The following AGBL1 variants were observed in gnomAD, a reference collection of about 807,000 sequenced individuals.
The protein encoded by AGBL1 is cytosolic carboxypeptidase 4.
Under a neutral mutation model 118.9 loss-of-function variants are expected in AGBL1, and 130 were observed. The ratio of observed to expected loss-of-function variants is 1.09; its 90% confidence interval spans 0.95 to 1.26. The LOEUF (loss-of-function observed/expected upper bound fraction) is 1.26, where lower values mean the gene tolerates loss of function less well. Among genes scored for constraint, AGBL1 ranks in the 50% most tolerant of loss-of-function variants. AGBL1 has a pLI of 0.00. For synonymous variants in AGBL1, 555 were observed against 478.9 expected, an observed-to-expected ratio of 1.16 and a Z score of -2.08; for missense variants, 1,584 against 1,298.1, an observed-to-expected ratio of 1.22 and a Z score of -3.38.
chr15:86,247,399 A>T (rs954435737), intron 6 of AGBL1, among the ~76,000 whole-genome samples: 5 of 152,106 alleles, frequency 3.3e-5, no homozygotes, highest in Admixed American at 6.5e-5. Flanking sequence ...TCATGATCCA[A>T]CTTGGGTTAT....
chr15:86,549,428 G>A (rs2083633005), intron 20 of AGBL1, among the ~76,000 whole-genome samples: 1 of 152,076 alleles, frequency 6.6e-6, no homozygotes, highest in African/African-American at 2.4e-5. Context: ...AAATAAGAAT[G>A]TAGAAACTGT....
chr15:86,293,402 C>A (rs1296670392), intron 16 of AGBL1, among the ~76,000 whole-genome samples: 3 of 152,144 alleles, frequency 2.0e-5, no homozygotes, highest in Admixed American at 6.5e-5. Context: ...ACCTGCATTC[C>A]TTGGCTGGTG....
At chr15:86,685,529 C>T (rs1157902716) in intron 22 of AGBL1, among the ~76,000 whole-genome samples, 1 of 151,934 alleles carries the variant, frequency 6.6e-6, no homozygotes, top group Non-Finnish European at 1.5e-5. Context: ...CTGTGCTTTG[C>T]CAGTGAGTAA....
chr15:86,901,477 G>A (rs898299886), intron 22 of AGBL1, among the ~76,000 whole-genome samples: 2 of 151,922 alleles, frequency 1.3e-5, no homozygotes, highest in South Asian at 4.2e-4. Context: ...ATACATAATG[G>A]TGTCTTCATT....
chr15:86,379,067 C>G (rs1230208058), intron 17 of AGBL1, among the ~76,000 whole-genome samples: 1 of 152,044 alleles, frequency 6.6e-6, no homozygotes, highest in Non-Finnish European at 1.5e-5. Context: ...CACCCACAAC[C>G]ATGCACAGCT....
At chr15:86,893,299 A>G (rs2080076860) in intron 22 of AGBL1, among the ~76,000 whole-genome samples, 2 of 152,134 alleles carry the variant, frequency 1.3e-5, no homozygotes, top group South Asian at 4.1e-4. Context: ...TCTGGCATTC[A>G]CCCAAGTCTT....
At chr15:86,512,452 T>A (rs1596208173) in intron 18 of AGBL1, among the ~76,000 whole-genome samples, 2 of 134,680 alleles carry the variant, frequency 1.5e-5, no homozygotes, top group South Asian at 2.1e-4. Flanking sequence ...ACTTTGAATA[T>A]CCTTGTTCAA....
chr15:86,619,477 T>C (rs143175048), intron 21 of AGBL1, among the ~76,000 whole-genome samples: 6 of 152,356 alleles, frequency 3.9e-5, no homozygotes, highest in South Asian at 2.1e-4. Context: ...TCACTTTTCC[T>C]TGGGGAGAAA....
chr15:86,376,801 C>T (rs1229504364), intron 17 of AGBL1, among the ~76,000 whole-genome samples: 1 of 152,220 alleles, frequency 6.6e-6, no homozygotes, highest in Non-Finnish European at 1.5e-5. Context: ...AAATATACTC[C>T]AATCAGGTAG....
intron 18 of AGBL1, among the ~76,000 whole-genome samples, chr15:86,416,253 G>T (rs1483902886): frequency 6.6e-6 from 1 of 152,104 alleles, no homozygotes; most frequent in Admixed American, 6.6e-5. Flanking sequence ...CTGTATTCAT[G>T]GAAAAGATGG....
intron 22 of AGBL1, among the ~76,000 whole-genome samples, chr15:86,717,294 A>G (rs1596400378): frequency 6.6e-6 from 1 of 152,288 alleles, no homozygotes; most frequent in East Asian, 1.9e-4. Flanking sequence ...AATAAAATTC[A>G]TATATCAGGG....
At chr15:86,842,872 C>T (rs2079264897) in intron 22 of AGBL1, among the ~76,000 whole-genome samples, 2 of 152,202 alleles carry the variant, frequency 1.3e-5, no homozygotes, top group African/African-American at 2.4e-5. Flanking sequence ...TATAGTCTTC[C>T]TAATTGTCTT....
intron 1 of AGBL1, among the ~76,000 whole-genome samples, chr15:86,121,091 T>G (rs1196965618): frequency 6.6e-6 from 1 of 152,066 alleles, no homozygotes; most frequent in Non-Finnish European, 1.5e-5. Context: ...AGAGACAGGA[T>G]TTCGCCATGT....
At chr15:86,776,617 ATTTTTGTGGTTTTTTTTTATTTATG>A (rs1448148938) in intron 22 of AGBL1, among the ~76,000 whole-genome samples, 59 of 146,408 alleles carry the variant, frequency 4.0e-4, no homozygotes, top group African/African-American at 1.4e-3. Flanking sequence ...TTGTCTTTTC[ATTTTTGTGGTTTTTTTTTATTTATG>A]GAAAAAAGAT....
chr15:86,884,173 A>T (rs2079936029), intron 22 of AGBL1, among the ~76,000 whole-genome samples: 1 of 152,318 alleles, frequency 6.6e-6, no homozygotes, highest in East Asian at 1.9e-4. Context: ...TGGGGCCATT[A>T]TTAAGTCCAA....
At chr15:86,662,293 G>A (rs919254885) in intron 21 of AGBL1, among the ~76,000 whole-genome samples, 2 of 152,190 alleles carry the variant, frequency 1.3e-5, no homozygotes, top group African/African-American at 4.8e-5. Flanking sequence ...TTTTTATGGG[G>A]CATTTACTCT....
At chr15:87,020,819 C>T (rs1373176291) in intron 24 of AGBL1, among the ~76,000 whole-genome samples, 1 of 152,006 alleles carries the variant, frequency 6.6e-6, no homozygotes, top group Non-Finnish European at 1.5e-5. Flanking sequence ...TTAAGGAGAA[C>T]TACAAACCAC....
rs776289444 is a variant in AGBL1, at chr15:86,264,760, T to C, written c.1589T>C (p.Met530Thr). The change falls in exon 11 of 23, where the codon ATG becomes ACG. Residue 530 changes from methionine to threonine, a missense_variant. By Grantham distance (81) the Met-to-Thr change is moderately conservative. Transcript: ENST00000614907. ...RTSSVVDFKMMAFPDVWGHCP... is the reference protein window; with the variant it reads ...RTSSVVDFKMTAFPDVWGHCP... ...AGCTCTGTGGTGGACTTCAAGATGA[T>C]GGCATTTCCTGATGTCTGGGGACAC... 3 of 1,614,056 alleles carry C rather than the reference T, an allele frequency of 1.9e-6. No individual in the cohort carries two copies. Among genetic ancestry groups the C allele is most frequent in the Non-Finnish European group, 2.5e-6 (3 of 1,179,910 alleles).
At chr15:86,174,351 G>A (rs2141764941) in intron 5 of AGBL1, among the ~76,000 whole-genome samples, 1 of 152,098 alleles carries the variant, frequency 6.6e-6, no homozygotes, top group African/African-American at 2.4e-5. Context: ...TTTTGGTGTA[G>A]TCTTGGTTTT....
Sources: allele counts gnomAD v4.1 joint callset (sites outside exome capture counted in the v4.1 genomes callset), GRCh38; gene constraint gnomAD v4.1.1; transcripts MANE v1.5; gene names NCBI Gene and HGNC (gene_info 2026-07-23, HGNC 2026-07-21).